The following STXBP5 variants were observed in gnomAD, a reference collection of about 807,000 sequenced individuals.
STXBP5 encodes syntaxin-binding protein 5.
Under a neutral mutation model 152.4 loss-of-function variants are expected in STXBP5, and 50 were observed. The ratio of observed to expected loss-of-function variants is 0.33; its 90% CI spans 0.26 to 0.42. The LOEUF (loss-of-function observed/expected upper bound fraction) is 0.42, where lower values mean the gene tolerates loss of function less well. Among genes scored for constraint, STXBP5 ranks in the 10% least tolerant of loss-of-function variants. The pLI is 1.00. For missense variants in STXBP5, 1,167 were observed against 1,388.6 expected (o/e 0.84, Z 2.54); for synonymous variants, 492 against 494.7 (o/e 0.99, Z 0.07).
chr6:147,235,307 C>A lies in STXBP5; in HGVS notation c.306C>A (p.Ile102=). 6.2e-7 allele frequency: 1 copy of A among 1,612,710 alleles called. No individual in the cohort carries two copies. Among genetic ancestry groups the A allele is most frequent in the South Asian group, 1.1e-5 (1 of 90,946 alleles). ...YCQHDSGAAV[I]QLQFLINEGA... ...AGCATGACAGTGGAGCTGCAGTAAT[C>A]CAGCTCCAGTTCCTGATTAATGAGG... Residue 102 remains isoleucine (I), a synonymous_variant, in exon 3 of 28, where the codon ATC becomes ATA. Transcript: ENST00000321680.
At chr6:147,282,552 G>A (rs755653265) in intron 8 of STXBP5, among the ~76,000 whole-genome samples, 1 of 152,158 alleles carries the variant, frequency 6.6e-6, no homozygotes, top group Non-Finnish European at 1.5e-5. Context: ...AGCAGGATTT[G>A]GTTCCATATA....
chr6:147,375,884 A>G (rs1366501633), intron 26 of STXBP5, among the ~76,000 whole-genome samples: 5 of 152,044 alleles, frequency 3.3e-5, no homozygotes, highest in Non-Finnish European at 1.5e-5. Flanking sequence ...TCTTCTGTAT[A>G]TTGACAGAAA....
intron 9 of STXBP5, among the ~76,000 whole-genome samples, chr6:147,295,873 A>G (rs1339057452): frequency 6.6e-6 from 1 of 152,110 alleles, no homozygotes; most frequent in Non-Finnish European, 1.5e-5. Flanking sequence ...GCCATCTTGA[A>G]ATTGGAGCCA....
chr6:147,332,713 T>A (rs957375060), intron 18 of STXBP5, among the ~76,000 whole-genome samples: 4 of 152,192 alleles, frequency 2.6e-5, no homozygotes, highest in Non-Finnish European at 5.9e-5. Context: ...CTTTGACTTT[T>A]ACCCTGAGTG....
intron 2 of STXBP5, among the ~76,000 whole-genome samples, chr6:147,221,266 C>T (rs963693854): frequency 6.6e-6 from 1 of 151,950 alleles, no homozygotes; most frequent in African/African-American, 2.4e-5. Context: ...TATATGTAAA[C>T]ATACATAAAC....
At chr6:147,227,805 T>G (rs148906599) in intron 2 of STXBP5, among the ~76,000 whole-genome samples, 4,679 of 152,280 alleles carry the variant, frequency 0.031, 117 homozygotes, top group Non-Finnish European at 0.051. Context: ...TATTATACCT[T>G]TTTTTCTTTT....
chr6:147,327,025 A>C (rs1415005099), intron 17 of STXBP5, 100 bp from the exon 18 acceptor site: 2 of 1,106,404 alleles, frequency 1.8e-6, no homozygotes, highest in Non-Finnish European at 2.6e-6. Flanking sequence ...GAATTTTCTG[A>C]AAGACCCACC....
intron 26 of STXBP5, among the ~76,000 whole-genome samples, chr6:147,377,788 G>A (rs1785880913): frequency 6.6e-6 from 1 of 152,058 alleles, no homozygotes; most frequent in Non-Finnish European, 1.5e-5. Flanking sequence ...GACTTGAGGG[G>A]AGAGGGTGGG....
chr6:147,264,568 G>C (rs1779796464), intron 6 of STXBP5, among the ~76,000 whole-genome samples: 1 of 151,990 alleles, frequency 6.6e-6, no homozygotes, highest in African/African-American at 2.4e-5. Flanking sequence ...TTTCTTTCTA[G>C]ATACAGACTG....
chr6:147,316,289 C>T lies in STXBP5; in HGVS notation c.1684C>T (p.Pro562Ser), dbSNP rs964500585. 6.2e-7 allele frequency: 1 copy of T among 1,613,846 alleles called. No individual in the cohort carries two copies. Among genetic ancestry groups the T allele is most frequent in the Non-Finnish European group, 8.5e-7 (1 of 1,179,968 alleles). Residue 562 changes from proline (P) to serine (S), a missense_variant, in exon 16 of 28, where the codon CCA becomes TCA. This residue lies in a region of STXBP5 where 833 missense variants were observed against 986.3 expected (regional missense o/e 0.84). Coordinates refer to ENST00000321680, the MANE Select transcript of STXBP5 (RefSeq NM_001127715.4). ...NDVETPEGEQ[P>S]PPLPTPVGGS... is the part of the protein sequence containing the mutation. ...TGTGGAAACTCCGGAGGGTGAGCAG[C>T]CACCACCTTTGCCAACACCCGTGGG...
At chr6:147,325,591 G>T (rs892055748) in intron 17 of STXBP5, among the ~76,000 whole-genome samples, 2 of 152,134 alleles carry the variant, frequency 1.3e-5, no homozygotes, top group African/African-American at 4.8e-5. Context: ...CAGCCATATA[G>T]TGTTAATTAT....
At chr6:147,372,723 G>A (rs530277716) in intron 25 of STXBP5, among the ~76,000 whole-genome samples, 112 of 151,780 alleles carry the variant, frequency 7.4e-4, no homozygotes, top group South Asian at 1.2e-3. Flanking sequence ...GTGAGCCACC[G>A]TGCCCAGTCA....
chr6:147,349,454 T>C (rs770783576), intron 21 of STXBP5, among the ~76,000 whole-genome samples: 5 of 152,200 alleles, frequency 3.3e-5, no homozygotes, highest in Admixed American at 6.5e-5. Context: ...ACTCAGTGAA[T>C]ATACTTTAAA....
intron 18 of STXBP5, among the ~76,000 whole-genome samples, chr6:147,329,923 G>A (rs1024019275): frequency 3.5e-4 from 53 of 151,890 alleles, no homozygotes; most frequent in Admixed American, 9.2e-4. Context: ...CACCGCGCCC[G>A]GCCTCTTCAG....
intron 25 of STXBP5, among the ~76,000 whole-genome samples, chr6:147,370,652 C>T (rs901451875): frequency 4.6e-5 from 7 of 151,758 alleles, no homozygotes; most frequent in African/African-American, 1.5e-4. Context: ...TGGAACATAC[C>T]AATTAATTCA....
chr6:147,325,945 A>G (rs1163591775), intron 17 of STXBP5, among the ~76,000 whole-genome samples: 3 of 152,210 alleles, frequency 2.0e-5, no homozygotes, highest in Admixed American at 6.5e-5. Context: ...ACTATATAGC[A>G]TTTCCATTGT....
chr6:147,243,065 A>G (rs533453799), intron 4 of STXBP5, among the ~76,000 whole-genome samples: 3 of 152,240 alleles, frequency 2.0e-5, no homozygotes, highest in South Asian at 4.1e-4. Context: ...ATTCACATGC[A>G]GTTTTTTTGT....
At chr6:147,224,851 A>G (rs1186587014) in intron 2 of STXBP5, among the ~76,000 whole-genome samples, 4 of 152,150 alleles carry the variant, frequency 2.6e-5, no homozygotes, top group Non-Finnish European at 4.4e-5. Flanking sequence ...GCTTCCATCA[A>G]TATTCTTTGA....
At chr6:147,211,602 T>C (rs1776857940) in intron 2 of STXBP5, among the ~76,000 whole-genome samples, 1 of 152,174 alleles carries the variant, frequency 6.6e-6, no homozygotes. Context: ...GTTTGTTTGT[T>C]TATTTTGAGT....
Sources: allele counts gnomAD v4.1 joint callset (sites outside exome capture counted in the v4.1 genomes callset), GRCh38; gene constraint gnomAD v4.1.1; regional missense constraint gnomAD v4.1.1; transcripts MANE v1.5; gene names NCBI Gene and HGNC (gene_info 2026-07-23, HGNC 2026-07-21).